PCNX3: variants seen among roughly 807,000 people sequenced by gnomAD.
The protein encoded by PCNX3 is pecanex-like protein 3.
A neutral mutation model predicts 207.2 loss-of-function variants in PCNX3; 58 were observed. The ratio of observed to expected loss-of-function variants is 0.28; its 90% CI spans 0.23 to 0.35. The LOEUF is 0.35. PCNX3 is among the 10% of genes least tolerant of loss of function. PCNX3 has a pLI of 1.00. For synonymous variants in PCNX3, 1,337 were observed against 1,183.5 expected (o/e 1.13, Z -2.66); for missense variants, 2,410 against 2,774.4 (o/e 0.87, Z 2.95).
At position 65,626,049 on chromosome 11, in the gene PCNX3, T is replaced by C. The variant is rs1855369377; in HGVS notation, c.3374T>C (p.Val1125Ala). The C allele has an allele frequency of 6.2e-7, 1 of 1,603,250 alleles. No individual in the cohort carries two copies. The highest frequency in any genetic ancestry group is 1.1e-5 in the South Asian group (1 of 89,536). Reference sequence around the variant, plus strand: ...CCGCTGGAGTACAGCCAGTATGAAGTGCGCGGTGAGTGCCCACCCCTGATG... The same window carrying C: ...CCGCTGGAGTACAGCCAGTATGAAGCGCGCGGTGAGTGCCCACCCCTGATG... ...LKPLEYSQYE[V>A]RGAAQVMWFE... The change falls in exon 20 of 35, where the codon GTG becomes GCG. Residue 1125 changes from valine to alanine, a missense_variant. Physicochemically the swap from Val to Ala is moderately conservative, Grantham distance 64. Around this residue, in one of 8 missense-constraint regions of PCNX3, gnomAD observed 333 missense variants for 386.8 expected, o/e 0.86. Transcript: ENST00000355703.
chr11:65,622,070 G>T, intron 10 of PCNX3, 175 bp from the exon 11 acceptor site: 1 of 766,288 alleles, frequency 1.3e-6, no homozygotes, highest in Non-Finnish European at 1.6e-6. Flanking sequence ...AAGGGTTCTG[G>T]TGGGGTCCAG....
At position 65,619,494 on chromosome 11, in the gene PCNX3, C is replaced by T. The variant is rs776127978; in HGVS notation, c.1706-43C>T. On this transcript the variant is annotated intron_variant, in intron 6 of 34. Transcript: ENST00000355703. ...CCCAACCTTACTCCCCCAGCCTTGT[C>T]TGAGCATCTGTCACTTACACTTGGG... The T allele has an allele frequency of 1.1e-5, 17 of 1,600,366 alleles. No individual in the cohort carries two copies. The East Asian group carries it at 3.4e-4, about 32-fold the overall frequency.
chr11:65,621,149 G>T (rs1855072763), intron 10 of PCNX3, among the ~76,000 whole-genome samples, 183 bp downstream of exon 10: 2 of 152,250 alleles, frequency 1.3e-5, no homozygotes, highest in African/African-American at 2.4e-5. Flanking sequence ...CTCTGGGTCT[G>T]AATGGCTGGA....
chr11:65,617,199 C>G, intron 2 of PCNX3, 51 bp from the exon 3 acceptor site: 1 of 1,507,082 alleles, frequency 6.6e-7, no homozygotes. Context: ...GAGGAAGTAG[C>G]ATACACAGAG....
In PCNX3 at chr11:65,628,835, C is replaced by G. The variant is rs1432711269; in HGVS notation, c.3828C>G (p.Phe1276Leu). The change falls in exon 24 of 35, where the codon TTC (phenylalanine) becomes TTG (leucine). Residue 1276 changes from phenylalanine to leucine, a missense_variant. By Grantham distance (22) the Phe-to-Leu change is conservative. Coordinates refer to ENST00000355703, the MANE Select transcript of PCNX3 (RefSeq NM_032223.4). ...PFAVPHSAML[F>L]VQALLSGLFS... Reference sequence around the variant, plus strand: ...GTGGCTCAGACTCGGCCATGCTGTTCGTCCAGGCCCTGCTCTCGGGGCTCT... The same window carrying G: ...GTGGCTCAGACTCGGCCATGCTGTTGGTCCAGGCCCTGCTCTCGGGGCTCT... 6.2e-7 allele frequency: 1 copy of G among 1,611,786 alleles called. No individual in the cohort carries two copies. Among genetic ancestry groups the G allele is most frequent in the African/African-American group, 1.3e-5 (1 of 74,904 alleles).
At chr11:65,630,170 G>A (rs545895358) in intron 26 of PCNX3, among the ~76,000 whole-genome samples, 181 bp from the exon 27 acceptor site, 31 of 152,350 alleles carry the variant, frequency 2.0e-4, no homozygotes, top group African/African-American at 7.5e-4. Flanking sequence ...TTGGATGCTG[G>A]GAGTTGGGAG....
In PCNX3 at chr11:65,636,153, T is replaced by C. The variant is rs1029848984; in HGVS notation, c.5460-21T>C. ...CTCAGCCGTGTCCCTCCTGATCCCT[T>C]TTCTACCTCTCCACCCCCAGGCTTC... On this transcript the variant is annotated intron_variant, in intron 32 of 34. Coordinates refer to ENST00000355703, the MANE Select transcript of PCNX3 (RefSeq NM_032223.4). 12 of 1,589,588 alleles carry C rather than the reference T, an allele frequency of 7.5e-6. No individual in the cohort carries two copies. In the East Asian group the frequency reaches 2.5e-4, roughly 33 times the overall value.
At chr11:65,622,854 G>A (rs950453862) in intron 11 of PCNX3, among the ~76,000 whole-genome samples, 46 of 152,074 alleles carry the variant, frequency 3.0e-4, no homozygotes, top group African/African-American at 9.4e-4. Context: ...TGCCCGCCTC[G>A]GCCTCCCAAA....
chr11:65,623,973 T>A lies in PCNX3; in HGVS notation c.2544+12T>A. ...CGTCCCCCATGCACGTGAGTACCCA[T>A]GGAGCAGCGCCTCTGGCCAGGAGGC... On this transcript the variant is annotated intron_variant, in intron 13 of 34. Coordinates refer to ENST00000355703, the MANE Select transcript of PCNX3 (RefSeq NM_032223.4). The A allele has an allele frequency of 6.2e-7, 1 of 1,610,946 alleles. No individual in the cohort carries two copies. The highest frequency in any genetic ancestry group is 8.5e-7 in the Non-Finnish European group (1 of 1,179,820).
At chr11:65,626,802 C>G in intron 20 of PCNX3, 102 bp from the exon 21 acceptor site, 1 of 1,511,904 alleles carries the variant, frequency 6.6e-7, no homozygotes, top group East Asian at 2.5e-5. Context: ...CCCAGGGTCT[C>G]CGAGGAGTCA....
chr11:65,619,474 C>A (rs931277047), intron 6 of PCNX3, 63 bp from the exon 7 acceptor site: 37 of 1,581,584 alleles, frequency 2.3e-5, no homozygotes, highest in African/African-American at 4.0e-5. Flanking sequence ...CCGTCCCCAA[C>A]CTTACTCCCC....
In PCNX3 at chr11:65,617,277, C is replaced by T. The variant is rs775521992; in HGVS notation, c.369C>T (p.Phe123=). The T allele has an allele frequency of 1.2e-6, 2 of 1,609,360 alleles. No homozygotes were observed. The highest frequency in any genetic ancestry group is 1.1e-5 in the South Asian group (1 of 90,074). Residue 123 remains phenylalanine, a synonymous_variant, in exon 3 of 35, where the codon TTC becomes TTT. Coordinates refer to ENST00000355703, the MANE Select transcript of PCNX3 (RefSeq NM_032223.4). ...PRDPGVEMTV[F]RKVSSTPPVR... Reference sequence around the variant, plus strand: ...ACCCCGGAGTGGAGATGACAGTGTTCCGGAAAGTCAGTTCCACACCCCCGG... The same window carrying T: ...ACCCCGGAGTGGAGATGACAGTGTTTCGGAAAGTCAGTTCCACACCCCCGG...
chr11:65,625,526 G>C lies in PCNX3; in HGVS notation c.3135+16G>C, dbSNP rs941486334. On this transcript the variant is annotated intron_variant, in intron 18 of 34. Transcript: ENST00000355703. The surrounding 1 kb of genome is among the most constrained non-coding windows in gnomAD (Gnocchi z 5.6). ...CCAGTCGGTGGTGAGGGGGCGGGGGGTGGGGGTCTGTGGGGAGGTGGTGAC... is the reference window on the plus strand; with the variant it reads ...CCAGTCGGTGGTGAGGGGGCGGGGGCTGGGGGTCTGTGGGGAGGTGGTGAC... 1.1e-5 allele frequency: 18 copies of C among 1,577,796 alleles called. No homozygotes were observed. In the African/African-American group the frequency reaches 2.2e-4, roughly 19 times the overall value.
At position 65,630,239 on chromosome 11, in the gene PCNX3, G is replaced by A. The variant is rs911514318; in HGVS notation, c.4217-112G>A. The A allele has an allele frequency of 6.4e-5, 91 of 1,423,708 alleles. 1 individual carries two copies. In the Middle Eastern group the frequency reaches 1.0e-3, roughly 16 times the overall value. The allele number at this position is 1,423,708 out of a possible 1,614,324, so 88.2% of individuals were successfully genotyped here. The stretch of plus-strand genomic sequence containing the variant: ...ATCCAATAAGGTTGACTCCCCTGGC[G>A]TCCAAGGGGGTGAATGGCAGCAGGC... On this transcript the variant is annotated intron_variant, in intron 26 of 34. Coordinates refer to ENST00000355703, the MANE Select transcript of PCNX3 (RefSeq NM_032223.4).
chr11:65,619,387 G>C, intron 6 of PCNX3, 150 bp from the exon 7 acceptor site: 1 of 1,415,860 alleles, frequency 7.1e-7, no homozygotes, highest in Non-Finnish European at 9.3e-7. Context: ...AGGAAACTGA[G>C]CATGGGGCTG....
intron 8 of PCNX3, 98 bp from the exon 9 acceptor site, chr11:65,620,241 A>G: frequency 8.0e-7 from 1 of 1,252,410 alleles, no homozygotes; most frequent in East Asian, 2.5e-5. Flanking sequence ...GACACAGCAC[A>G]AGGTTCTGCC....
In PCNX3 at chr11:65,637,071, C is replaced by A. The variant is rs893105862; in HGVS notation, c.*93C>A. On this transcript the variant is annotated 3_prime_UTR_variant, in exon 35 of 35. Transcript: ENST00000355703. ...GGACCACAGAACTGAGTGGCTTTGG[C>A]CTACATGTCTGAACCCTGACCTTTG... The A allele has an allele frequency of 1.2e-4, 161 of 1,382,242 alleles. No individual in the cohort carries two copies. Among genetic ancestry groups the A allele is most frequent in the Non-Finnish European group, 1.4e-4 (144 of 1,020,386 alleles). 85.6% of individuals were successfully genotyped at this position (1,382,242 alleles called of 1,614,324 possible). A position where few individuals can be genotyped will look rare whatever the true frequency, so the allele number is the denominator to read the frequency against.
In PCNX3 at chr11:65,618,382, C is replaced by G. The variant is rs1249802167; in HGVS notation, c.1020C>G (p.Pro340=). 4.3e-6 allele frequency: 7 copies of G among 1,612,810 alleles called. No homozygotes were observed. Among genetic ancestry groups the G allele is most frequent in the Non-Finnish European group, 5.9e-6 (7 of 1,179,848 alleles). ...CTGAGGGCAGCGACACAGACCCACC[C>G]TCTGAGGCTGAGCTGCCTGCCTCAC... The part of the protein sequence containing the change: ...PAPEGSDTDP[P]SEAELPASPD... Residue 340 remains proline, a synonymous_variant, in exon 6 of 35, where the codon CCC becomes CCG. Coordinates refer to ENST00000355703, the MANE Select transcript of PCNX3 (RefSeq NM_032223.4).
rs1855325350 is a variant in PCNX3 at position 65,625,303 on chromosome 11, G to A, written c.3029+23G>A. 6.3e-7 allele frequency: 1 copy of A among 1,598,200 alleles called. No homozygotes were observed. The highest frequency in any genetic ancestry group is 1.3e-5 in the African/African-American group (1 of 74,624). ...CTGGTGGGTGTGCTCCGGGTCGTGT[G>A]TTTGTGTCTGCCCAGTAGGGGTTTG... On this transcript the variant is annotated intron_variant, in intron 17 of 34. Coordinates refer to ENST00000355703, the MANE Select transcript of PCNX3 (RefSeq NM_032223.4). The surrounding 1 kb of genome is among the most constrained non-coding windows in gnomAD (Gnocchi z 5.6).
Sources: gnomAD v4.1 joint callset for allele counts (sites outside exome capture counted in the v4.1 genomes callset) on GRCh38, gnomAD v4.1.1 for gene constraint, gnomAD v4.1.1 regional missense constraint, Gnocchi (gnomAD v3.1) non-coding constraint, MANE v1.5 for transcripts, NCBI Gene and HGNC (gene_info 2026-07-23, HGNC 2026-07-21) for gene names.